Variants in FLNC observed in about 807,000 individuals in gnomAD.
FLNC encodes filamin-C.
FLNC carries 91 observed loss-of-function variants against 254.3 expected under a neutral mutation model. The ratio of observed to expected loss-of-function variants is 0.36; its 90% CI spans 0.30 to 0.43. FLNC has a LOEUF of 0.43. FLNC is among the 20% of genes least tolerant of loss of function. The pLI is 1.00. For missense variants in FLNC, 2,853 were observed against 3,802.6 expected, an observed-to-expected ratio of 0.75 and a Z score of 6.57; for synonymous variants, 1,430 against 1,577.2, an observed-to-expected ratio of 0.91 and a Z score of 2.21.
At chr7:128,838,552 G>A (rs761064939) in intron 7 of FLNC, 51 bp from the exon 8 acceptor site, 7 of 1,608,912 alleles carry the variant, frequency 4.4e-6, no homozygotes, top group South Asian at 2.2e-5. Context: ...TGAGGGCACC[G>A]GGGCAGCTGT....
intron 6 of FLNC, 64 bp downstream of exon 6, chr7:128,838,128 C>G: frequency 6.6e-7 from 1 of 1,512,302 alleles, no homozygotes; most frequent in South Asian, 1.1e-5. Context: ...GCTGCATGGA[C>G]CCCTCTCTCA....
rs143942649 is a variant in FLNC, at chr7:128,835,570, C to T, written c.597C>T (p.Ala199=). 2.0e-3 allele frequency: 3,199 copies of T among 1,613,138 alleles called. 9 individuals carry two copies. The highest frequency in any genetic ancestry group is 0.011 in the Middle Eastern group (67 of 6,062). Residue 199 remains alanine, a synonymous_variant, in exon 2 of 48, where the codon GCC becomes GCT. Transcript: ENST00000325888. This position sits in a 1 kb window ranked among gnomAD's most constrained non-coding sequence, Gnocchi z 5.3. ...TGGGCGCCCTGGTGGACAACTGCGC[C>T]CCCGGTGAGTGGGCCAGTGAGCACA... ...KALGALVDNC[A]PGLCPDWEAW...
At chr7:128,851,689 CAT>C in intron 35 of FLNC, 61 bp downstream of exon 35, 1 of 1,556,558 alleles carries the variant, frequency 6.4e-7, no homozygotes, top group Non-Finnish European at 8.9e-7. Flanking sequence ...ACAGTGCACT[CAT>C]GTGCAAGCCC....
chr7:128,858,934 C>G lies in FLNC; in HGVS notation c.*411C>G. ...CGCCGGCCAGATACCCTCCTGACCCCGAGGACTTGGTCTGGTCTCTCTGGT... is the reference window on the plus strand; with the variant it reads ...CGCCGGCCAGATACCCTCCTGACCCGGAGGACTTGGTCTGGTCTCTCTGGT... On this transcript the variant is annotated 3_prime_UTR_variant, in exon 48 of 48. Coordinates refer to ENST00000325888, the MANE Select transcript of FLNC (RefSeq NM_001458.5). This position sits in a 1 kb window ranked among gnomAD's most constrained non-coding sequence, Gnocchi z 6.7. 1 of 248,850 alleles carries G rather than the reference C, an allele frequency of 4.0e-6. No homozygotes were observed. Among genetic ancestry groups the G allele is most frequent in the Non-Finnish European group, 8.0e-6 (1 of 125,678 alleles). 15.4% of individuals were successfully genotyped at this position (248,850 alleles called of 1,614,324 possible). A position where few individuals can be genotyped will look rare whatever the true frequency, so the allele number is the denominator to read the frequency against.
Position 128,856,325 on chromosome 7 carries a change from G to A in FLNC, c.7252-193G>A, listed in dbSNP as rs920686028. 3.5e-4 allele frequency among the ~76,000 whole-genome samples: 53 copies of A among 152,252 alleles called. No individual in the cohort carries two copies. The highest frequency in any genetic ancestry group is 1.3e-3 in the African/African-American group (52 of 41,466). On this transcript the variant is annotated intron_variant, in intron 43 of 47. Transcript: ENST00000325888. The surrounding 1 kb of genome is among the most constrained non-coding windows in gnomAD (Gnocchi z 5.9). ...ACCAAGCACAGCTAGGATAGCAGGT[G>A]CACACATAGGGTTGCATACCGGACC...
chr7:128,848,966 C>G lies in FLNC; in HGVS notation c.4911C>G (p.Ser1637Arg), dbSNP rs1469272964. ...ATGCTCTGCCCACTGGGGATGCCAG[C>G]AAGTGCCTCGTCACAGGTGGGTGCC... ...RIHALPTGDA[S>R]KCLVTVSIGG... Residue 1637 changes from serine (S) to arginine (R), a missense_variant, in exon 28 of 48, where the codon AGC (serine) becomes AGG (arginine). By Grantham distance (110) the Ser-to-Arg change is moderately radical (BLOSUM62 -1). Transcript: ENST00000325888. The G allele has an allele frequency of 7.4e-6, 12 of 1,611,878 alleles. No homozygotes were observed. Among genetic ancestry groups the G allele is most frequent in the African/African-American group, 2.7e-5 (2 of 74,910 alleles).
intron 42 of FLNC, 71 bp downstream of exon 42, chr7:128,854,983 G>A: frequency 1.3e-6 from 2 of 1,542,566 alleles, no homozygotes; most frequent in Non-Finnish European, 1.8e-6. Context: ...CCACTGGCCA[G>A]GCAGGAGATG....
chr7:128,840,567 G>A lies in FLNC; in HGVS notation c.1569G>A (p.Val523=). The part of the protein sequence containing the change: ...VKGPKGTEEP[V]KVREAGDGVF... ...CCTCAGAGGGCACAGAGGAGCCAGT[G>A]AAGGTGCGGGAGGCTGGGGATGGTG... The change falls in exon 10 of 48, where the codon GTG becomes GTA. Residue 523 remains valine, a synonymous_variant. Coordinates refer to ENST00000325888, the MANE Select transcript of FLNC (RefSeq NM_001458.5). The A allele has an allele frequency of 7.4e-6, 12 of 1,614,236 alleles. No homozygotes were observed. The highest frequency in any genetic ancestry group is 9.3e-6 in the Non-Finnish European group (11 of 1,180,044).
Position 128,838,084 on chromosome 7 carries a change from C to T in FLNC, c.1047+20C>T. 6.2e-7 allele frequency: 1 copy of T among 1,600,216 alleles called. No individual in the cohort carries two copies. Among genetic ancestry groups the T allele is most frequent in the Non-Finnish European group, 8.6e-7 (1 of 1,167,838 alleles). On this transcript the variant is annotated intron_variant, in intron 6 of 47. Coordinates refer to ENST00000325888, the MANE Select transcript of FLNC (RefSeq NM_001458.5). Reference sequence around the variant, plus strand: ...CACAAGGTATCTCCCTCTAGGCCCCCCTGCCTGCGCTGCTCTTCACATCCT... The same window carrying T: ...CACAAGGTATCTCCCTCTAGGCCCCTCTGCCTGCGCTGCTCTTCACATCCT...
chr7:128,834,142 A>G (rs1421033680), intron 1 of FLNC, among the ~76,000 whole-genome samples: 1 of 152,238 alleles, frequency 6.6e-6, no homozygotes, highest in Non-Finnish European at 1.5e-5. Flanking sequence ...AGTAAACAAG[A>G]CTGTCTTCCA....
chr7:128,843,950 A>T (rs199717850), intron 19 of FLNC, 37 bp downstream of exon 19: 2 of 1,614,054 alleles, frequency 1.2e-6, no homozygotes, highest in African/African-American at 2.7e-5. Flanking sequence ...AGTGAGGGGT[A>T]TTCGGGTAGG....
chr7:128,848,452 C>A, intron 26 of FLNC, 109 bp from the exon 27 acceptor site: 1 of 1,198,550 alleles, frequency 8.3e-7, no homozygotes, highest in Non-Finnish European at 1.2e-6. Context: ...GCCCCACAGT[C>A]CTCCCTCCTG....
intron 31 of FLNC, 81 bp downstream of exon 31, chr7:128,850,155 CG>C: frequency 1.6e-6 from 2 of 1,263,778 alleles, no homozygotes; most frequent in Admixed American, 2.0e-5. Flanking sequence ...GCAGCCAGGG[CG>C]GGGACATGGT....
In FLNC at chr7:128,837,552, T is replaced by G. The variant is rs368602593; in HGVS notation, c.850+4T>G. On this transcript the variant is annotated splice_donor_region_variant and intron_variant, in intron 4 of 47. Coordinates refer to ENST00000325888, the MANE Select transcript of FLNC (RefSeq NM_001458.5). ...AAAGCCATCGCCTATGGGCCTGGTA[T>G]GTGTGAGCCCCTGGCGGCCCTCCTG... is the stretch of plus-strand genomic sequence containing the variant. 19 of 1,614,098 alleles carry G rather than the reference T, an allele frequency of 1.2e-5. No individual in the cohort carries two copies. The highest frequency in any genetic ancestry group is 8.9e-5 in the East Asian group (4 of 44,886).
intron 31 of FLNC, 72 bp downstream of exon 31, chr7:128,850,146 C>T: frequency 7.7e-7 from 1 of 1,304,432 alleles, no homozygotes; most frequent in South Asian, 1.3e-5. Flanking sequence ...TACTCCTCTG[C>T]AGCCAGGGCG....
In FLNC at chr7:128,830,928, G is replaced by A. The variant is rs1807862356; in HGVS notation, c.291G>A (p.Leu97=). ...GCCCCAACTTCCGCCAAATGAAGCT[G>A]GAGAACGTGTCCGTGGCCCTCGAGT... is the stretch of plus-strand genomic sequence containing the variant. ...HPRPNFRQMK[L]ENVSVALEFL... Residue 97 remains leucine, a synonymous_variant, in exon 1 of 48, where the codon CTG becomes CTA. Transcript: ENST00000325888. 1 of 1,612,682 alleles carries A rather than the reference G, an allele frequency of 6.2e-7. No individual in the cohort carries two copies. Among genetic ancestry groups the A allele is most frequent in the African/African-American group, 1.3e-5 (1 of 74,944 alleles).
At chr7:128,853,115 C>A in intron 37 of FLNC, 84 bp downstream of exon 37, 1 of 1,333,976 alleles carries the variant, frequency 7.5e-7, no homozygotes, top group South Asian at 1.2e-5. Context: ...CCCCCTTGGC[C>A]GCACTCTCTC....
At chr7:128,843,661 C>T in intron 18 of FLNC, 84 bp downstream of exon 18, 1 of 1,548,706 alleles carries the variant, frequency 6.5e-7, no homozygotes, top group Middle Eastern at 1.7e-4. Context: ...GGGACCAGTT[C>T]TGGATCCTCC....
chr7:128,846,628 T>G, intron 23 of FLNC, 117 bp from the exon 24 acceptor site: 1 of 1,352,014 alleles, frequency 7.4e-7, no homozygotes. Context: ...GTAGCTCGTT[T>G]CTCCTCAGCT....
Sources: gnomAD v4.1 joint callset for allele counts (sites outside exome capture counted in the v4.1 genomes callset) on GRCh38, gnomAD v4.1.1 for gene constraint, Gnocchi (gnomAD v3.1) non-coding constraint, MANE v1.5 for transcripts, NCBI Gene and HGNC (gene_info 2026-07-23, HGNC 2026-07-21) for gene names.